The following NPAS3 variants were observed in gnomAD, a reference collection of about 807,000 sequenced individuals.
NPAS3 encodes neuronal PAS domain protein 3.
A neutral mutation model predicts 73.1 loss-of-function variants in NPAS3; 14 were observed. The observed-to-expected ratio is 0.19, with a 90% CI of 0.13 to 0.30. NPAS3 has a LOEUF of 0.30. Ranked by LOEUF, NPAS3 falls within the 10% of genes least tolerant of loss-of-function variation. The pLI is 1.00. For synonymous variants in NPAS3, 620 were observed against 541.5 expected (o/e 1.14, Z -2.01); for missense variants, 1,096 against 1,250.0 (o/e 0.88, Z 1.86).
At chr14:33,196,797 G>A (rs564228054) in intron 2 of NPAS3, among the ~76,000 whole-genome samples, 1 of 152,258 alleles carries the variant, frequency 6.6e-6, no homozygotes, top group South Asian at 2.1e-4. Context: ...AATGCTTATA[G>A]AAGTCTTTGT....
chr14:33,476,394 C>T (rs537195292), intron 4 of NPAS3, among the ~76,000 whole-genome samples: 20 of 152,262 alleles, frequency 1.3e-4, no homozygotes, highest in African/African-American at 4.8e-4. Flanking sequence ...TTTCACTGAT[C>T]TAGATTTGAT....
At chr14:33,548,829 C>T (rs2054972399) in intron 4 of NPAS3, among the ~76,000 whole-genome samples, 1 of 152,198 alleles carries the variant, frequency 6.6e-6, no homozygotes, top group African/African-American at 2.4e-5. Context: ...TGACCTCTGA[C>T]TTCACCTAAA....
intron 4 of NPAS3, among the ~76,000 whole-genome samples, chr14:33,474,421 A>T (rs567211869): frequency 1.3e-5 from 2 of 152,314 alleles, no homozygotes; most frequent in South Asian, 4.1e-4. Context: ...AACATACAAA[A>T]CATATGTGTT....
At chr14:33,456,769 G>A (rs755727274) in intron 4 of NPAS3, among the ~76,000 whole-genome samples, 60 of 152,126 alleles carry the variant, frequency 3.9e-4, no homozygotes, top group Admixed American at 9.2e-4. Context: ...GAGCTGGCAT[G>A]CAGCTCAGGC....
intron 1 of NPAS3, among the ~76,000 whole-genome samples, chr14:33,031,239 C>T (rs1460535425): frequency 1.3e-5 from 2 of 152,192 alleles, no homozygotes; most frequent in Non-Finnish European, 2.9e-5. Context: ...TTCTCATGTT[C>T]TGTCACTAAA....
intron 6 of NPAS3, among the ~76,000 whole-genome samples, chr14:33,696,093 T>C (rs1357412226): frequency 1.3e-5 from 2 of 152,196 alleles, no homozygotes; most frequent in African/African-American, 4.8e-5. Flanking sequence ...TTAATAGCGG[T>C]AATAACTATT....
chr14:33,321,834 T>C (rs2043460540), intron 3 of NPAS3, among the ~76,000 whole-genome samples: 1 of 152,196 alleles, frequency 6.6e-6, no homozygotes, highest in Non-Finnish European at 1.5e-5. Context: ...TATTGTCCAG[T>C]AACTGGAAAG....
rs181554159 is a variant in NPAS3, at chr14:33,068,210, C to T, written c.140+12216C>T. 1.1e-3 allele frequency among the ~76,000 whole-genome samples: 170 copies of T among 152,338 alleles called. 1 individual carries two copies. Among genetic ancestry groups the T allele is most frequent in the African/African-American group, 3.7e-3 (154 of 41,574 alleles). ...CAAAATCACTGACTGCTCCATCTCA[C>T]GTCAAGCTGTCTGTAATCTTAGCTT... On this transcript the variant is annotated intron_variant, in intron 2 of 11. Transcript: ENST00000356141.
At chr14:33,587,313 C>A (rs993420512) in intron 5 of NPAS3, among the ~76,000 whole-genome samples, 1 of 152,000 alleles carries the variant, frequency 6.6e-6, no homozygotes, top group African/African-American at 2.4e-5. Flanking sequence ...ACAAAAAAAA[C>A]TAGCACTTAT....
chr14:32,954,870 G>A (rs2036613911), intron 1 of NPAS3, among the ~76,000 whole-genome samples: 2 of 152,222 alleles, frequency 1.3e-5, no homozygotes, highest in South Asian at 4.1e-4. Flanking sequence ...TAGCATAATG[G>A]TGAGGTGTTA....
At chr14:33,022,521 T>C (rs57149694) in intron 1 of NPAS3, among the ~76,000 whole-genome samples, 41,584 of 151,620 alleles carry the variant, frequency 0.27, 5,813 homozygotes, top group Admixed American at 0.34. Context: ...AAAAAGTAGC[T>C]GGGCGTGGTG....
chr14:33,321,997 C>G (rs1049251995), intron 3 of NPAS3, among the ~76,000 whole-genome samples: 1 of 152,054 alleles, frequency 6.6e-6, no homozygotes. Flanking sequence ...ATGAGCCAGT[C>G]GGGTTTTGTG....
chr14:33,709,039 C>T (rs922571997), intron 6 of NPAS3, among the ~76,000 whole-genome samples: 6 of 152,262 alleles, frequency 3.9e-5, no homozygotes, highest in Non-Finnish European at 7.4e-5. Flanking sequence ...GAAAATAGAT[C>T]GGAAAGCCCA....
chr14:33,566,205 C>A (rs2055924190), intron 5 of NPAS3, among the ~76,000 whole-genome samples: 1 of 148,826 alleles, frequency 6.7e-6, no homozygotes, highest in African/African-American at 2.5e-5. Flanking sequence ...CAAATAGCGA[C>A]CTGGTGAAGA....
At chr14:33,757,959 T>G (rs2062166462) in intron 7 of NPAS3, among the ~76,000 whole-genome samples, 1 of 152,200 alleles carries the variant, frequency 6.6e-6, no homozygotes, top group Non-Finnish European at 1.5e-5. Flanking sequence ...TCCTTGGTAA[T>G]TATGCCTCAG....
At chr14:33,046,435 T>A (rs1197520834) in intron 1 of NPAS3, among the ~76,000 whole-genome samples, 1 of 152,030 alleles carries the variant, frequency 6.6e-6, no homozygotes, top group African/African-American at 2.4e-5. Flanking sequence ...GGAAGGTGAG[T>A]TTAAATCAGG....
intron 7 of NPAS3, among the ~76,000 whole-genome samples, chr14:33,766,426 G>C (rs893612061): frequency 2.6e-5 from 4 of 152,154 alleles, no homozygotes; most frequent in African/African-American, 9.7e-5. Context: ...TGGAGTCCCT[G>C]ATAATTAACA....
downstream of NPAS3, chr14:33,804,139 G>A (rs2063778484): frequency 6.6e-6 from 1 of 152,066 alleles, no homozygotes; most frequent in South Asian, 2.1e-4. Flanking sequence ...ATCCGCAGGT[G>A]CCATTTTCAT....
intron 4 of NPAS3, among the ~76,000 whole-genome samples, chr14:33,373,345 TTTATGTTTGTA>T (rs1229230343): frequency 6.6e-6 from 1 of 151,952 alleles, no homozygotes; most frequent in East Asian, 1.9e-4. Flanking sequence ...ATTGTTAAGG[TTTATGTTTGTA>T]TTCATTGTCA....
Sources: gnomAD v4.1 joint callset for allele counts (sites outside exome capture counted in the v4.1 genomes callset) on GRCh38, gnomAD v4.1.1 for gene constraint, MANE v1.5 for transcripts, NCBI Gene and HGNC (gene_info 2026-07-23, HGNC 2026-07-21) for gene names.